NUP205: variants seen among roughly 807,000 people sequenced by gnomAD.
The protein encoded by NUP205 is nucleoporin 205.
A neutral mutation model predicts 253.8 loss-of-function variants in NUP205; 76 were observed. That is an observed-to-expected ratio of 0.30 (90% CI 0.25 to 0.36). The LOEUF is 0.36. Among genes scored for constraint, NUP205 ranks in the 10% least tolerant of loss-of-function variants. NUP205 has a pLI of 1.00. For missense variants in NUP205, 2,162 were observed against 2,425.5 expected, an observed-to-expected ratio of 0.89 and a Z score of 2.28; for synonymous variants, 832 against 850.1, an observed-to-expected ratio of 0.98 and a Z score of 0.37.
chr7:135,585,071 T>C, intron 8 of NUP205, 64 bp downstream of exon 8: 1 of 1,334,748 alleles, frequency 7.5e-7, no homozygotes, highest in Non-Finnish European at 1.0e-6. Context: ...TTAAAACTGA[T>C]TAACCAGCTT....
chr7:135,575,283 G>A (rs1806121470), intron 3 of NUP205, among the ~76,000 whole-genome samples: 1 of 152,114 alleles, frequency 6.6e-6, no homozygotes, highest in African/African-American at 2.4e-5. Context: ...GAAGTTTAAG[G>A]TAGATGTTGC....
In NUP205 at chr7:135,602,940, T is replaced by G; in HGVS notation, c.2648T>G (p.Leu883Trp). 6.2e-7 allele frequency: 1 copy of G among 1,613,992 alleles called. No individual in the cohort carries two copies. Among genetic ancestry groups the G allele is most frequent in the South Asian group, 1.1e-5 (1 of 91,058 alleles). Residue 883 changes from leucine (L) to tryptophan (W), a missense_variant, in exon 18 of 43, where the codon TTG (leucine) becomes TGG (tryptophan). Transcript: ENST00000285968. ...ATAGTCTGTCCTTTAGAACAGCTTT[T>G]GCAGGGAATTAATCCCAGAACTAAG... ...ALIVCPLEQL[L>W]QGINPRTKKA...
Position 135,619,805 on chromosome 7 carries a change from G to C in NUP205, c.4247G>C (p.Arg1416Pro). ...FILKTGGGFQ[R>P]VRTHLYGSLL... ...ATCTCCCTAGGTGGTGGATTCCAAC[G>C]AGTGAGGACTCACTTGTATGGCTCT... is the stretch of plus-strand genomic sequence containing the variant. Residue 1416 changes from arginine to proline, a missense_variant, in exon 30 of 43, where the codon CGA becomes CCA. Physicochemically the swap from Arg to Pro is moderately radical, Grantham distance 103. Coordinates refer to ENST00000285968, the MANE Select transcript of NUP205 (RefSeq NM_015135.3). 6.2e-7 allele frequency: 1 copy of C among 1,611,310 alleles called. No individual in the cohort carries two copies. Among genetic ancestry groups the C allele is most frequent in the Non-Finnish European group, 8.5e-7 (1 of 1,178,618 alleles).
At chr7:135,642,319 G>T (rs1340893021) in intron 38 of NUP205, among the ~76,000 whole-genome samples, 7 of 150,684 alleles carry the variant, frequency 4.6e-5, no homozygotes, top group Admixed American at 3.3e-4. Context: ...AGAGGAGATT[G>T]CTCTAATTGC....
At chr7:135,623,018 C>T in intron 31 of NUP205, 93 bp downstream of exon 31, 1 of 1,320,422 alleles carries the variant, frequency 7.6e-7, no homozygotes, top group Non-Finnish European at 1.0e-6. Context: ...TGCCTCATGC[C>T]TGTAATCTCA....
At chr7:135,636,146 A>T (rs1159483301) in intron 36 of NUP205, among the ~76,000 whole-genome samples, 1 of 152,190 alleles carries the variant, frequency 6.6e-6, no homozygotes, top group Non-Finnish European at 1.5e-5. Flanking sequence ...ATGTTCTAAC[A>T]TATTAGTTTG....
At chr7:135,601,002 T>G (rs772432613) in intron 16 of NUP205, 33 bp downstream of exon 16, 1 of 1,163,848 alleles carries the variant, frequency 8.6e-7, no homozygotes, top group Non-Finnish European at 1.3e-6. Context: ...AAACAAGTTG[T>G]CAACTATTTA....
At chr7:135,572,039 T>C (rs1356078283) in intron 2 of NUP205, among the ~76,000 whole-genome samples, 1 of 152,034 alleles carries the variant, frequency 6.6e-6, no homozygotes, top group East Asian at 1.9e-4. Context: ...GCTAATTTTT[T>C]TTAGAGATAG....
chr7:135,581,585 C>T (rs1240828789), intron 7 of NUP205, among the ~76,000 whole-genome samples: 1 of 151,252 alleles, frequency 6.6e-6, no homozygotes, highest in Non-Finnish European at 1.5e-5. Flanking sequence ...GGTGTGGTGA[C>T]TCACGCCTGT....
At position 135,637,815 on chromosome 7, in the gene NUP205, A is replaced by G. The variant is rs117583753; in HGVS notation, c.5137-116A>G. On this transcript the variant is annotated intron_variant, in intron 36 of 42. Transcript: ENST00000285968. ...TAGTTGGCTCAGTTTTAAGTAAGAT[A>G]TTAGATGCCTTAAGGACTGATTCCA... 4.1e-5 allele frequency: 36 copies of G among 875,932 alleles called. No homozygotes were observed. The East Asian group carries it at 5.0e-4, about 12-fold the overall frequency. 54.3% of individuals were successfully genotyped at this position (875,932 alleles called of 1,614,324 possible). A position where few individuals can be genotyped will look rare whatever the true frequency, so the allele number is the denominator to read the frequency against.
At chr7:135,569,224 C>A (rs909050310) in intron 1 of NUP205, among the ~76,000 whole-genome samples, 1 of 152,172 alleles carries the variant, frequency 6.6e-6, no homozygotes, top group Admixed American at 6.5e-5. Flanking sequence ...GCGCGTGCCA[C>A]CACGCTTGGC....
intron 39 of NUP205, 113 bp from the exon 40 acceptor site, chr7:135,644,782 T>C: frequency 9.4e-7 from 1 of 1,065,196 alleles, no homozygotes; most frequent in African/African-American, 1.6e-5. Flanking sequence ...GCAAGGATGT[T>C]TAAATTTGAG....
At chr7:135,561,292 C>T (rs1029118091) in intron 1 of NUP205, among the ~76,000 whole-genome samples, 8 of 151,910 alleles carry the variant, frequency 5.3e-5, no homozygotes, top group Admixed American at 2.0e-4. Context: ...TGCAGTGAGC[C>T]GAGATCATAC....
Position 135,576,991 on chromosome 7 carries a change from A to G in NUP205, c.511A>G (p.Thr171Ala). 1 of 1,613,606 alleles carries G rather than the reference A, an allele frequency of 6.2e-7. No individual in the cohort carries two copies. Among genetic ancestry groups the G allele is most frequent in the Non-Finnish European group, 8.5e-7 (1 of 1,179,898 alleles). The change falls in exon 5 of 43, where the codon ACA (threonine) becomes GCA (alanine). Residue 171 changes from threonine to alanine, a missense_variant. Physicochemically the swap from Thr to Ala is moderately conservative, Grantham distance 58. Coordinates refer to ENST00000285968, the MANE Select transcript of NUP205 (RefSeq NM_015135.3). ...ELSPELASMT[T>A]RFTDELMEQG... ...CAGTCCAGAGCTGGCTTCCATGACA[A>G]CACGCTTTACAGATGAGCTGATGGA...
Position 135,617,598 on chromosome 7 carries a change from C to G in NUP205, c.3691-4C>G. 1 of 1,609,078 alleles carries G rather than the reference C, an allele frequency of 6.2e-7. No individual in the cohort carries two copies. On this transcript the variant is annotated splice_region_variant and splice_polypyrimidine_tract_variant and intron_variant, in intron 26 of 42. Transcript: ENST00000285968. ...TATTTTTCTTTCTTTTCCTAATTAT[C>G]CAGCTTCTTCATAGGGTTCTTGTAG...
intron 37 of NUP205, 130 bp downstream of exon 37, chr7:135,638,189 C>A: frequency 1.1e-6 from 1 of 897,844 alleles, no homozygotes; most frequent in Non-Finnish European, 1.7e-6. Flanking sequence ...GCGGATGGAT[C>A]ACCTGAGGTC....
intron 24 of NUP205, among the ~76,000 whole-genome samples, chr7:135,616,296 A>G (rs1794357017): frequency 6.6e-6 from 1 of 152,188 alleles, no homozygotes; most frequent in South Asian, 2.1e-4. Flanking sequence ...CAAAATTGTC[A>G]GTGGAGTTTG....
chr7:135,643,382 G>A (rs760511899), intron 39 of NUP205, 24 bp downstream of exon 39: 2 of 1,602,314 alleles, frequency 1.2e-6, no homozygotes, highest in Admixed American at 1.7e-5. Context: ...AATGAGCTGG[G>A]GGGACTTGAG....
At position 135,587,678 on chromosome 7, in the gene NUP205, A is replaced by C; in HGVS notation, c.1322A>C (p.His441Pro). The change falls in exon 9 of 43, where the codon CAC becomes CCC. Residue 441 changes from histidine (H) to proline (P), a missense_variant. By Grantham distance (77) the His-to-Pro change is moderately conservative (BLOSUM62 -2). This residue lies in a region of NUP205 where 892 missense variants were observed against 957.1 expected (regional missense o/e 0.93). Coordinates refer to ENST00000285968, the MANE Select transcript of NUP205 (RefSeq NM_015135.3). ...ATTTCACTTAGAAGGGACCTGGAAC[A>C]CTTAATGCTTTTGGTAAGCCATTAT... ...PPISLRRDLE[H>P]LMLLIGELYK... 1 of 1,597,266 alleles carries C rather than the reference A, an allele frequency of 6.3e-7. No homozygotes were observed. The highest frequency in any genetic ancestry group is 1.1e-5 in the South Asian group (1 of 88,868).
Sources: allele counts gnomAD v4.1 joint callset (sites outside exome capture counted in the v4.1 genomes callset), GRCh38; gene constraint gnomAD v4.1.1; regional missense constraint gnomAD v4.1.1; transcripts MANE v1.5; gene names NCBI Gene and HGNC (gene_info 2026-07-23, HGNC 2026-07-21).